Variants in ALDH1A3 observed in about 807,000 individuals in gnomAD.
The protein encoded by ALDH1A3 is retinaldehyde dehydrogenase 3.
ALDH1A3 carries 28 observed loss-of-function variants against 57.5 expected under a neutral mutation model. That is an observed-to-expected ratio of 0.49 (90% CI 0.36 to 0.67). The LOEUF is 0.67. ALDH1A3 is among the 30% of genes least tolerant of loss of function. The pLI is 0.00. For synonymous variants in ALDH1A3, 281 were observed against 264.8 expected, an observed-to-expected ratio of 1.06 and a Z score of -0.59; for missense variants, 507 against 669.4, an observed-to-expected ratio of 0.76 and a Z score of 2.68.
chr15:100,906,509 C>G lies in ALDH1A3; in HGVS notation c.1234-612C>G, dbSNP rs893969943. ...GGAACCCGGAAGGTATTTTGGCAGG[C>G]CAGGCACCATCCTGCCGGCTTATAA... On this transcript the variant is annotated intron_variant, in intron 10 of 12. Coordinates refer to ENST00000329841, the MANE Select transcript of ALDH1A3 (RefSeq NM_000693.4). This position sits in a 1 kb window ranked among gnomAD's most constrained non-coding sequence, Gnocchi z 4.8. Among the ~76,000 whole-genome samples the G allele has an allele frequency of 1.1e-4, 16 of 152,166 alleles. No homozygotes were observed. Among genetic ancestry groups the G allele is most frequent in the Non-Finnish European group, 1.0e-4 (7 of 68,018 alleles).
chr15:100,898,335 A>C (rs1278418561), intron 8 of ALDH1A3, 150 bp downstream of exon 8: 1 of 617,208 alleles, frequency 1.6e-6, no homozygotes, highest in Admixed American at 3.2e-5. Flanking sequence ...GCCCACAGTC[A>C]GCCAGCCGCA....
Position 100,915,151 on chromosome 15 carries a change from C to T in ALDH1A3, c.*378C>T, listed in dbSNP as rs544281369. On this transcript the variant is annotated 3_prime_UTR_variant, in exon 13 of 13. Transcript: ENST00000329841. The stretch of plus-strand genomic sequence containing the variant: ...GACTCCAGTAAGAATGTGGGAAAAC[C>T]CCCTGTGTGTTCTGCAAGCAGGGCT... 2 of 214,106 alleles carry T rather than the reference C, an allele frequency of 9.3e-6. No individual in the cohort carries two copies. The highest frequency in any genetic ancestry group is 2.1e-4 in the East Asian group (2 of 9,592). 13.3% of individuals were successfully genotyped at this position (214,106 alleles called of 1,614,324 possible).
In ALDH1A3 at chr15:100,887,339, A is replaced by G. The variant is rs1459225310; in HGVS notation, c.205-233A>G. Among the ~76,000 whole-genome samples, 1 of 144,946 alleles carries G rather than the reference A, an allele frequency of 6.9e-6. No individual in the cohort carries two copies. Among genetic ancestry groups the G allele is most frequent in the Non-Finnish European group, 1.6e-5 (1 of 63,270 alleles). The stretch of plus-strand genomic sequence containing the variant: ...AGTCACGTCAAAAGATGACACCCAA[A>G]CTGCAGTCACCTCAAAAGATGACAC... On this transcript the variant is annotated intron_variant, in intron 2 of 12. Coordinates refer to ENST00000329841, the MANE Select transcript of ALDH1A3 (RefSeq NM_000693.4). The surrounding 1 kb of genome is among the most constrained non-coding windows in gnomAD (Gnocchi z 4.6).
chr15:100,904,190 G>A (rs1284512151), intron 9 of ALDH1A3, among the ~76,000 whole-genome samples: 3 of 151,990 alleles, frequency 2.0e-5, no homozygotes, highest in African/African-American at 4.8e-5. Flanking sequence ...TTTAAACTGG[G>A]TTTGGAGTTT....
chr15:100,890,715 C>T (rs921757344), intron 3 of ALDH1A3, among the ~76,000 whole-genome samples: 4 of 152,200 alleles, frequency 2.6e-5, no homozygotes, highest in South Asian at 2.1e-4. Flanking sequence ...CCATGTCTCG[C>T]GCTTACCCTC....
chr15:100,886,531 T>G (rs1017826572), intron 2 of ALDH1A3, among the ~76,000 whole-genome samples: 7 of 152,102 alleles, frequency 4.6e-5, no homozygotes, highest in African/African-American at 1.7e-4. Context: ...CTGCCAAGCT[T>G]CTGCTCACCC....
In ALDH1A3 at chr15:100,889,256, A is replaced by C. The variant is rs1275429907; in HGVS notation, c.345+1544A>C. The C allele has an allele frequency of 6.6e-6, 1 of 152,206 alleles. No individual in the cohort carries two copies. Among genetic ancestry groups the C allele is most frequent in the Admixed American group, 6.5e-5 (1 of 15,276 alleles). The allele number at this position is 152,206 out of a possible 1,614,324, so 9.4% of individuals were successfully genotyped here. ...CAAGCAGTAGGGTAGCCACTGTTTAAAGGAGGGTGTCAGCCAGGACACGGA... is the reference window on the plus strand; with the variant it reads ...CAAGCAGTAGGGTAGCCACTGTTTACAGGAGGGTGTCAGCCAGGACACGGA... On this transcript the variant is annotated intron_variant, in intron 3 of 12. Coordinates refer to ENST00000329841, the MANE Select transcript of ALDH1A3 (RefSeq NM_000693.4). The surrounding 1 kb of genome is among the most constrained non-coding windows in gnomAD (Gnocchi z 5.1).
chr15:100,885,082 G>A (rs1054120297), intron 1 of ALDH1A3, among the ~76,000 whole-genome samples, 185 bp from the exon 2 acceptor site: 1 of 152,192 alleles, frequency 6.6e-6, no homozygotes, highest in Non-Finnish European at 1.5e-5. Context: ...TAGTTGATCT[G>A]TTGGTCATGC....
At position 100,906,710 on chromosome 15, in the gene ALDH1A3, A is replaced by G. The variant is rs79022975; in HGVS notation, c.1234-411A>G. Among the ~76,000 whole-genome samples the G allele has an allele frequency of 0.013, 1,949 of 152,188 alleles. 33 individuals carry two copies. The highest frequency in any genetic ancestry group is 0.042 in the African/African-American group (1,756 of 41,498). ...TCTAGGGTGTCTTCCTTGGTAGAAA[A>G]CACAGCTCCAAGAGGTAGGAGCACA... On this transcript the variant is annotated intron_variant, in intron 10 of 12. Coordinates refer to ENST00000329841, the MANE Select transcript of ALDH1A3 (RefSeq NM_000693.4). The surrounding 1 kb of genome is among the most constrained non-coding windows in gnomAD (Gnocchi z 4.8).
At chr15:100,910,042 T>TA (rs35740226) in intron 12 of ALDH1A3, among the ~76,000 whole-genome samples, 1 of 152,222 alleles carries the variant, frequency 6.6e-6, no homozygotes, top group South Asian at 2.1e-4. Context: ...TTGAGATTCT[T>TA]AAAGATGCTG....
chr15:100,893,268 G>A lies in ALDH1A3; in HGVS notation c.537+262G>A. On this transcript the variant is annotated intron_variant, in intron 5 of 12. Coordinates refer to ENST00000329841, the MANE Select transcript of ALDH1A3 (RefSeq NM_000693.4). This position sits in a 1 kb window ranked among gnomAD's most constrained non-coding sequence, Gnocchi z 4.8. The stretch of plus-strand genomic sequence containing the variant: ...TGGTCAGGAATGGCCAGCATTCCCA[G>A]GAAGGTGGTCTCTTAGCTGGGCCTT... The A allele has an allele frequency of 2.6e-6, 1 of 383,888 alleles. No individual in the cohort carries two copies. The highest frequency in any genetic ancestry group is 4.6e-6 in the Non-Finnish European group (1 of 215,696). 23.8% of individuals were successfully genotyped at this position (383,888 alleles called of 1,614,324 possible).
intron 12 of ALDH1A3, among the ~76,000 whole-genome samples, chr15:100,912,818 G>T (rs999796428): frequency 6.6e-6 from 1 of 152,160 alleles, no homozygotes; most frequent in African/African-American, 2.4e-5. Context: ...TAAGCCAGTG[G>T]TTCTCCAACT....
At chr15:100,898,695 C>T (rs904051506) in intron 8 of ALDH1A3, among the ~76,000 whole-genome samples, 1 of 152,248 alleles carries the variant, frequency 6.6e-6, no homozygotes, top group Middle Eastern at 3.2e-3. Context: ...GCAACTGATC[C>T]TTCAAATTAC....
intron 1 of ALDH1A3, chr15:100,880,658 G>A (rs1004833622): frequency 4.5e-5 from 7 of 156,512 alleles, no homozygotes; most frequent in Non-Finnish European, 9.8e-5. Flanking sequence ...GCGCGCTCCG[G>A]AAGGTCGCAG....
In ALDH1A3 at chr15:100,914,963, A is replaced by G. The variant is rs7161860; in HGVS notation, c.*190A>G. 0.011 allele frequency: 6,523 copies of G among 602,250 alleles called. 280 individuals are homozygous for G. The highest frequency in any genetic ancestry group is 0.099 in the African/African-American group (5,358 of 53,988). 37.3% of individuals were successfully genotyped at this position (602,250 alleles called of 1,614,324 possible). The stretch of plus-strand genomic sequence containing the variant: ...TATTCACCAGACTGGGGATGCCTAT[A>G]GGTTGTCTGTGAAATCGCAGTCCTG... On this transcript the variant is annotated 3_prime_UTR_variant, in exon 13 of 13. Coordinates refer to ENST00000329841, the MANE Select transcript of ALDH1A3 (RefSeq NM_000693.4).
intron 11 of ALDH1A3, 116 bp downstream of exon 11, chr15:100,907,394 T>C: frequency 2.5e-6 from 3 of 1,192,094 alleles, no homozygotes; most frequent in Non-Finnish European, 3.5e-6. Context: ...TACCAAGCCC[T>C]GTCTCAGTGC....
chr15:100,900,475 C>A, intron 8 of ALDH1A3, 100 bp from the exon 9 acceptor site: 1 of 1,129,202 alleles, frequency 8.9e-7, no homozygotes, highest in Admixed American at 2.3e-5. Context: ...GGCCTGTTTT[C>A]TTGTGTGGGC....
intron 9 of ALDH1A3, among the ~76,000 whole-genome samples, chr15:100,903,600 T>A (rs931773153): frequency 6.6e-6 from 1 of 152,228 alleles, no homozygotes; most frequent in Non-Finnish European, 1.5e-5. Flanking sequence ...GTTGCTGAAT[T>A]ACCTTCCATA....
chr15:100,897,866 T>C lies in ALDH1A3; in HGVS notation c.781-217T>C, dbSNP rs3922685. 0.62 allele frequency among the ~76,000 whole-genome samples: 94,913 copies of C among 152,060 alleles called. 29,765 individuals carry two copies. The highest frequency in any genetic ancestry group is 0.74 in the South Asian group (3,550 of 4,824). The stretch of plus-strand genomic sequence containing the variant: ...ACTCACACCTGTAAGTGGAGCGGCT[T>C]AGACCAAGGATCCCAGGATGTCATG... On this transcript the variant is annotated intron_variant, in intron 7 of 12. Transcript: ENST00000329841.
Sources: allele counts gnomAD v4.1 joint callset (sites outside exome capture counted in the v4.1 genomes callset), GRCh38; gene constraint gnomAD v4.1.1; non-coding constraint Gnocchi (gnomAD v3.1); transcripts MANE v1.5; gene names NCBI Gene and HGNC (gene_info 2026-07-23, HGNC 2026-07-21).